Variants in SFXN5 observed in about 807,000 individuals in gnomAD.
SFXN5 encodes the protein sideroflexin 5, also known as sideroflexin-5.
SFXN5 carries 43 observed loss-of-function variants against 50.2 expected under a neutral mutation model. That is an observed-to-expected ratio of 0.86 (90% CI 0.67 to 1.11). The LOEUF (loss-of-function observed/expected upper bound fraction) is 1.11, where lower values mean the gene tolerates loss of function less well. SFXN5 is among the 50% of genes least tolerant of loss of function. The pLI, the probability that SFXN5 is intolerant of heterozygous loss-of-function variation, is 0.00. For missense variants in SFXN5, 463 were observed against 454.1 expected (o/e 1.02, Z -0.18); for synonymous variants, 203 against 185.8 (o/e 1.09, Z -0.75).
At chr2:73,008,941 G>A (rs559809849) in intron 6 of SFXN5, among the ~76,000 whole-genome samples, 2 of 152,240 alleles carry the variant, frequency 1.3e-5, no homozygotes, top group East Asian at 1.9e-4. Context: ...GGGCGAGCAG[G>A]GTAGGGCGAG....
rs562234413 is a variant in SFXN5, at chr2:72,978,678, G to A, written c.626-6993C>T. Reference sequence around the variant, plus strand: ...GACCCTGCAGGTTGGGTAAATGCCCGTATGCCCACCTGGCAATATTTAATA... The same window carrying A: ...GACCCTGCAGGTTGGGTAAATGCCCATATGCCCACCTGGCAATATTTAATA... On this transcript the variant is annotated intron_variant, in intron 10 of 13. Coordinates refer to ENST00000272433, the MANE Select transcript of SFXN5 (RefSeq NM_144579.3). Among the ~76,000 whole-genome samples, 13 of 152,294 alleles carry A rather than the reference G, an allele frequency of 8.5e-5. No individual in the cohort carries two copies. The East Asian group carries it at 1.5e-3, about 18-fold the overall frequency.
chr2:72,988,874 G>C (rs1460779801), intron 9 of SFXN5, among the ~76,000 whole-genome samples: 1 of 152,238 alleles, frequency 6.6e-6, no homozygotes, highest in Admixed American at 6.5e-5. Flanking sequence ...AAGCAGCATA[G>C]CTCAGGGCAG....
At chr2:72,996,355 C>T (rs1463169645) in intron 9 of SFXN5, among the ~76,000 whole-genome samples, 3 of 152,134 alleles carry the variant, frequency 2.0e-5, no homozygotes, top group Non-Finnish European at 4.4e-5. Flanking sequence ...CCAAGTCCCC[C>T]AGTAACTCTG....
At chr2:73,026,263 G>A (rs531174442) in intron 3 of SFXN5, among the ~76,000 whole-genome samples, 3 of 151,794 alleles carry the variant, frequency 2.0e-5, no homozygotes, top group African/African-American at 7.3e-5. Flanking sequence ...CAGTAGCTGG[G>A]ATTACAGGCG....
intron 1 of SFXN5, among the ~76,000 whole-genome samples, chr2:73,068,386 C>T (rs980951029): frequency 3.9e-5 from 6 of 152,178 alleles, no homozygotes; most frequent in African/African-American, 1.4e-4. Flanking sequence ...AGGAGCTCAT[C>T]AACCCAGTAC....
intron 9 of SFXN5, among the ~76,000 whole-genome samples, chr2:72,988,694 TAGA>T (rs1672210762): frequency 6.6e-6 from 1 of 152,142 alleles, no homozygotes; most frequent in South Asian, 2.1e-4. Context: ...CAGTTGCTCG[TAGA>T]AGAATACATA....
At chr2:73,037,330 C>A (rs1679114356) in intron 3 of SFXN5, among the ~76,000 whole-genome samples, 1 of 152,200 alleles carries the variant, frequency 6.6e-6, no homozygotes, top group South Asian at 2.1e-4. Flanking sequence ...GGAACTTCAT[C>A]CAGCTTCCTA....
chr2:72,983,146 G>A (rs1374201564), intron 10 of SFXN5, among the ~76,000 whole-genome samples: 3 of 152,194 alleles, frequency 2.0e-5, no homozygotes, highest in African/African-American at 7.2e-5. Flanking sequence ...AGGGTGGACT[G>A]AGCACAAAGG....
At chr2:72,957,617 G>A (rs1014287188) in intron 13 of SFXN5, among the ~76,000 whole-genome samples, 3 of 152,280 alleles carry the variant, frequency 2.0e-5, no homozygotes, top group African/African-American at 4.8e-5. Context: ...GTCAGCCCAA[G>A]CAAGTCCAGA....
At chr2:73,036,236 C>G (rs917897218) in intron 3 of SFXN5, among the ~76,000 whole-genome samples, 5 of 152,208 alleles carry the variant, frequency 3.3e-5, no homozygotes, top group African/African-American at 9.7e-5. Context: ...CATGTCACCA[C>G]TTATCCCCTC....
At position 72,973,629 on chromosome 2, in the gene SFXN5, G is replaced by A. The variant is rs1670281128; in HGVS notation, c.626-1944C>T. 6.6e-6 allele frequency among the ~76,000 whole-genome samples: 1 copy of A among 152,188 alleles called. No homozygotes were observed. The highest frequency in any genetic ancestry group is 1.5e-5 in the Non-Finnish European group (1 of 68,034). On this transcript the variant is annotated intron_variant, in intron 10 of 13. Transcript: ENST00000272433. This position sits in a 1 kb window ranked among gnomAD's most constrained non-coding sequence, Gnocchi z 5.5. ...CTGGTTAGCAGGGCATGACCAGGAGGGGATGGGAGCCTGGGTTTGGGGCCA... is the reference window on the plus strand; with the variant it reads ...CTGGTTAGCAGGGCATGACCAGGAGAGGATGGGAGCCTGGGTTTGGGGCCA...
intron 8 of SFXN5, among the ~76,000 whole-genome samples, chr2:72,999,973 C>T (rs139349993): frequency 0.032 from 4,904 of 152,148 alleles, 119 homozygotes; most frequent in Middle Eastern, 0.1. Flanking sequence ...CCTGGACCCT[C>T]CCCACTCAGG....
Position 73,027,530 on chromosome 2 carries a change from G to C in SFXN5, c.250-4316C>G, listed in dbSNP as rs576594494. On this transcript the variant is annotated intron_variant, in intron 3 of 13. Transcript: ENST00000272433. ...CAGCCTAAGGATATGTGTTTATAAA[G>C]CCTACAGTAGTGCACAGTCATGTCC... Among the ~76,000 whole-genome samples, 7 of 152,270 alleles carry C rather than the reference G, an allele frequency of 4.6e-5. No homozygotes were observed. The South Asian group carries it at 1.4e-3, about 32-fold the overall frequency.
intron 12 of SFXN5, among the ~76,000 whole-genome samples, chr2:72,963,373 C>T (rs1673981218): frequency 6.6e-6 from 1 of 152,202 alleles, no homozygotes; most frequent in Admixed American, 6.5e-5. Flanking sequence ...GACCAAGGCT[C>T]CTCTCTCAGG....
intron 10 of SFXN5, among the ~76,000 whole-genome samples, chr2:72,977,553 G>T (rs1197245977): frequency 6.6e-6 from 1 of 152,164 alleles, no homozygotes; most frequent in African/African-American, 2.4e-5. Flanking sequence ...AACCTCATTG[G>T]TTAAAGGGTT....
intron 13 of SFXN5, among the ~76,000 whole-genome samples, chr2:72,954,906 G>C (rs1672909780): frequency 6.6e-6 from 1 of 152,186 alleles, no homozygotes; most frequent in African/African-American, 2.4e-5. Context: ...GGAGAAACTT[G>C]GTTCTTACAG....
At position 73,001,575 on chromosome 2, in the gene SFXN5, C is replaced by G; in HGVS notation, c.361G>C (p.Val121Leu). 1 of 1,614,158 alleles carries G rather than the reference C, an allele frequency of 6.2e-7. No individual in the cohort carries two copies. Among genetic ancestry groups the G allele is most frequent in the Admixed American group, 1.7e-5 (1 of 60,026 alleles). ...GYIPFGTPIV[V>L]GLLLPNQTLA... ...GTCTGGTTGGGCAAGAGAAGACCGACTACCTATGAGCAAGAGAGAAGAAAT... is the reference window on the plus strand; with the variant it reads ...GTCTGGTTGGGCAAGAGAAGACCGAGTACCTATGAGCAAGAGAGAAGAAAT... Residue 121 changes from valine (V) to leucine (L), a missense_variant, in exon 7 of 14, where the codon GTC becomes CTC. Physicochemically the swap from Val to Leu is conservative, Grantham distance 32 (BLOSUM62 1). Coordinates refer to ENST00000272433, the MANE Select transcript of SFXN5 (RefSeq NM_144579.3).
At chr2:73,042,763 G>A (rs910083104) in intron 2 of SFXN5, among the ~76,000 whole-genome samples, 4 of 152,076 alleles carry the variant, frequency 2.6e-5, no homozygotes, top group Non-Finnish European at 4.4e-5. Context: ...CCACACTCCA[G>A]CATGGGTGAC....
intron 10 of SFXN5, among the ~76,000 whole-genome samples, chr2:72,985,524 G>A (rs558763432): frequency 6.8e-6 from 1 of 146,090 alleles, no homozygotes; most frequent in South Asian, 2.3e-4. Context: ...ACTTGCAGAT[G>A]AGAGCGATGG....
Sources: gnomAD v4.1 joint callset for allele counts (sites outside exome capture counted in the v4.1 genomes callset) on GRCh38, gnomAD v4.1.1 for gene constraint, Gnocchi (gnomAD v3.1) non-coding constraint, MANE v1.5 for transcripts, NCBI Gene and HGNC (gene_info 2026-07-23, HGNC 2026-07-21) for gene names.